Variants in AGBL4 observed in about 807,000 individuals in gnomAD.
AGBL4 encodes cytosolic carboxypeptidase 6.
In AGBL4, 58 loss-of-function variants were observed where a neutral mutation model predicts 66.4. That is an observed-to-expected ratio of 0.87 (90% CI 0.71 to 1.09). AGBL4 has a LOEUF of 1.09. Ranked by LOEUF, AGBL4 falls within the 50% of genes least tolerant of loss-of-function variation. AGBL4 has a pLI of 0.00. For missense variants in AGBL4, 579 were observed against 631.0 expected (o/e 0.92, Z 0.88); for synonymous variants, 234 against 222.9 (o/e 1.05, Z -0.44).
intron 1 of AGBL4, among the ~76,000 whole-genome samples, chr1:49,856,714 C>T (rs1172890624): frequency 3.3e-5 from 5 of 152,014 alleles, no homozygotes; most frequent in Non-Finnish European, 7.4e-5. Context: ...AAATTAGCTA[C>T]AGAAAGAACA....
chr1:48,661,514 G>A (rs320004), intron 7 of AGBL4, among the ~76,000 whole-genome samples: 78,618 of 152,118 alleles, frequency 0.52, 21,387 homozygotes, highest in Middle Eastern at 0.65. Flanking sequence ...AGAAGCCAGC[G>A]GGCAGGCATT....
intron 3 of AGBL4, among the ~76,000 whole-genome samples, chr1:49,372,742 T>TTC (rs969969842): frequency 7.4e-5 from 11 of 149,102 alleles, no homozygotes; most frequent in East Asian, 2.0e-4. Flanking sequence ...CCTCTCTCTC[T>TTC]TCTCTCTCTC....
chr1:49,053,654 T>A (rs1282350670), intron 4 of AGBL4, among the ~76,000 whole-genome samples: 1 of 152,170 alleles, frequency 6.6e-6, no homozygotes, highest in Non-Finnish European at 1.5e-5. Context: ...TGCTAGGGTA[T>A]AACATAAAAT....
At chr1:48,857,518 G>A (rs933545599) in intron 6 of AGBL4, among the ~76,000 whole-genome samples, 5 of 152,100 alleles carry the variant, frequency 3.3e-5, no homozygotes, top group African/African-American at 4.8e-5. Flanking sequence ...TCAGGAGATC[G>A]AGAACATCCT....
At chr1:49,854,205 C>A (rs1366407664) in intron 1 of AGBL4, among the ~76,000 whole-genome samples, 5 of 150,896 alleles carry the variant, frequency 3.3e-5, no homozygotes, top group Non-Finnish European at 5.9e-5. Flanking sequence ...AAGGAAGGGG[C>A]AAGTGTCAGG....
intron 3 of AGBL4, among the ~76,000 whole-genome samples, chr1:49,301,149 G>C (rs1363086176): frequency 1.3e-5 from 2 of 152,212 alleles, no homozygotes; most frequent in African/African-American, 4.8e-5. Flanking sequence ...GGCATTCACT[G>C]ATCAGTATCT....
chr1:48,709,872 G>A (rs1028263471), intron 6 of AGBL4, among the ~76,000 whole-genome samples: 6 of 152,034 alleles, frequency 3.9e-5, no homozygotes, highest in African/African-American at 2.4e-5. Context: ...AAAGTGCTGG[G>A]ATTACAGGCG....
At chr1:49,298,286 C>T (rs969548457) in intron 3 of AGBL4, among the ~76,000 whole-genome samples, 1 of 152,160 alleles carries the variant, frequency 6.6e-6, no homozygotes, top group Non-Finnish European at 1.5e-5. Context: ...GAAAGTCCCA[C>T]CTATCACCCT....
At chr1:48,583,359 T>C (rs1644768738) in intron 11 of AGBL4, among the ~76,000 whole-genome samples, 1 of 152,206 alleles carries the variant, frequency 6.6e-6, no homozygotes, top group South Asian at 2.1e-4. Flanking sequence ...TCACTGCAAC[T>C]CGGTGAGGTT....
chr1:48,823,220 C>T (rs940261491), intron 6 of AGBL4, among the ~76,000 whole-genome samples: 4 of 152,192 alleles, frequency 2.6e-5, no homozygotes, highest in Admixed American at 1.3e-4. Flanking sequence ...AGGAAGCAAA[C>T]TCTAAGAAGC....
At chr1:49,289,442 G>T (rs7514767) in intron 3 of AGBL4, among the ~76,000 whole-genome samples, 2 of 152,028 alleles carry the variant, frequency 1.3e-5, no homozygotes, top group East Asian at 3.9e-4. Context: ...TATAAAAAGC[G>T]ATAGTGCTAT....
chr1:49,762,929 G>A (rs533570125), intron 2 of AGBL4, among the ~76,000 whole-genome samples: 18 of 151,986 alleles, frequency 1.2e-4, no homozygotes, highest in African/African-American at 3.4e-4. Flanking sequence ...CTGTACTTTC[G>A]AGGCCTTATT....
chr1:49,309,612 G>A (rs550604442), intron 3 of AGBL4, among the ~76,000 whole-genome samples: 7 of 147,540 alleles, frequency 4.7e-5, no homozygotes, highest in Admixed American at 1.4e-4. Context: ...TTATAACATC[G>A]TGTGTGTGTG....
At chr1:48,944,530 G>T (rs1242133989) in intron 5 of AGBL4, among the ~76,000 whole-genome samples, 1 of 152,112 alleles carries the variant, frequency 6.6e-6, no homozygotes. Context: ...CTGAGGCCCA[G>T]AAAGGCTATG....
intron 5 of AGBL4, among the ~76,000 whole-genome samples, chr1:48,945,063 C>T (rs936838166): frequency 1.3e-5 from 2 of 152,098 alleles, no homozygotes; most frequent in Non-Finnish European, 2.9e-5. Context: ...CCTTTCCTGA[C>T]TTGAGAGTGG....
rs12039838 is a variant in AGBL4 at position 49,535,364 on chromosome 1, T to G, written c.282+161949A>C. On this transcript the variant is annotated intron_variant, in intron 3 of 13. Coordinates refer to ENST00000371839, the MANE Select transcript of AGBL4 (RefSeq NM_032785.4). ...TATGACATAATAATATGTTATATTA[T>G]TATATATTATAATATATAATAAGAT... 7.7e-3 allele frequency among the ~76,000 whole-genome samples: 1,139 copies of G among 147,894 alleles called. 9 individuals carry two copies. Among genetic ancestry groups the G allele is most frequent in the Middle Eastern group, 0.032 (9 of 280 alleles).
chr1:49,725,682 GTTTTTTTT>G lies in AGBL4; in HGVS notation c.158-28253_158-28246del, dbSNP rs58294452. 7.6e-5 allele frequency among the ~76,000 whole-genome samples: 9 copies of G among 119,066 alleles called. No homozygotes were observed. In the South Asian group the frequency reaches 2.5e-3, roughly 32 times the overall value. 78.1% of individuals were successfully genotyped at this position (119,066 alleles called of 152,430 possible). A position where few individuals can be genotyped will look rare whatever the true frequency, so the allele number is the denominator to read the frequency against. On this transcript the variant is annotated intron_variant, in intron 2 of 13. Coordinates refer to ENST00000371839, the MANE Select transcript of AGBL4 (RefSeq NM_032785.4). ...CCATTAATGTTCTTTTCCTTTGTGG[GTTTTTTTT>G]TTTTTTTTTTTTTGAGATGGGTCTT...
At chr1:49,440,676 T>G (rs556775551) in intron 3 of AGBL4, among the ~76,000 whole-genome samples, 2 of 152,252 alleles carry the variant, frequency 1.3e-5, no homozygotes, top group South Asian at 4.1e-4. Flanking sequence ...GAGTGAGTCT[T>G]ATATCCTCTA....
intron 3 of AGBL4, among the ~76,000 whole-genome samples, chr1:49,638,542 T>A (rs1645721422): frequency 6.6e-6 from 1 of 152,168 alleles, no homozygotes; most frequent in Non-Finnish European, 1.5e-5. Flanking sequence ...GCTCTCATAA[T>A]CCCCATGTGT....
Sources: allele counts gnomAD v4.1 joint callset (sites outside exome capture counted in the v4.1 genomes callset), GRCh38; gene constraint gnomAD v4.1.1; transcripts MANE v1.5; gene names NCBI Gene and HGNC (gene_info 2026-07-23, HGNC 2026-07-21).